OPCML: variants seen among roughly 807,000 people sequenced by gnomAD.
The protein encoded by OPCML is opioid-binding protein/cell adhesion molecule.
In OPCML, 13 loss-of-function variants were observed where a neutral mutation model predicts 37.8. That is an observed-to-expected ratio of 0.34 (90% CI 0.22 to 0.55). The LOEUF (loss-of-function observed/expected upper bound fraction) is 0.55. Ranked by LOEUF, OPCML falls within the 20% of genes least tolerant of loss-of-function variation. The pLI is 0.91. For missense variants in OPCML, 341 were observed against 435.6 expected (o/e 0.78, Z 1.93); for synonymous variants, 176 against 168.8 (o/e 1.04, Z -0.33).
chr11:133,413,926 A>C (rs1403186543), intron 1 of OPCML, among the ~76,000 whole-genome samples: 1 of 152,182 alleles, frequency 6.6e-6, no homozygotes, highest in Non-Finnish European at 1.5e-5. Context: ...GGAGCACTGC[A>C]GTCCCTGGAG....
At chr11:133,337,189 C>A (rs1465348295) in intron 1 of OPCML, among the ~76,000 whole-genome samples, 1 of 152,182 alleles carries the variant, frequency 6.6e-6, no homozygotes, top group Non-Finnish European at 1.5e-5. Flanking sequence ...TGTTTCTTTT[C>A]CTAAGGCAAG....
At chr11:132,601,857 A>G (rs1033054283) in intron 3 of OPCML, among the ~76,000 whole-genome samples, 1 of 152,212 alleles carries the variant, frequency 6.6e-6, no homozygotes, top group Non-Finnish European at 1.5e-5. Context: ...AAGGAAAACT[A>G]TAAGAGGCCA....
intron 4 of OPCML, among the ~76,000 whole-genome samples, chr11:132,478,985 C>T (rs1384987754): frequency 6.6e-6 from 1 of 151,850 alleles, no homozygotes; most frequent in Non-Finnish European, 1.5e-5. Flanking sequence ...GGAGATAGAG[C>T]ACATCAAAAC....
intron 4 of OPCML, among the ~76,000 whole-genome samples, chr11:132,439,885 C>T (rs1302147291): frequency 6.6e-6 from 1 of 152,164 alleles, no homozygotes; most frequent in Non-Finnish European, 1.5e-5. Context: ...CAGGCAGGGT[C>T]AACGTTCCCC....
In OPCML at chr11:132,847,295, CT is replaced by C. The variant is rs371758381; in HGVS notation, c.146+95630del. 1.0e-3 allele frequency among the ~76,000 whole-genome samples: 154 copies of C among 152,014 alleles called. 3 individuals are homozygous for C. The East Asian group carries it at 0.021, about 21-fold the overall frequency. On this transcript the variant is annotated intron_variant, in intron 2 of 7. Transcript: ENST00000524381. Reference sequence around the variant, plus strand: ...ATTTTCTTTCTTTTTTGTTGACATGCTTTTTTTTCTAGATAGATGTATATCC... The same window carrying C: ...ATTTTCTTTCTTTTTTGTTGACATGCTTTTTTTCTAGATAGATGTATATCC...
chr11:132,752,527 A>G (rs1945869816), intron 2 of OPCML, among the ~76,000 whole-genome samples: 1 of 152,168 alleles, frequency 6.6e-6, no homozygotes, highest in African/African-American at 2.4e-5. Context: ...GAACTGAATC[A>G]TAAGGAAAAT....
chr11:132,822,955 G>A (rs1940079979), intron 2 of OPCML, among the ~76,000 whole-genome samples: 1 of 152,102 alleles, frequency 6.6e-6, no homozygotes, highest in South Asian at 2.1e-4. Flanking sequence ...TATTTGTAAG[G>A]ATGAAATGAA....
At chr11:132,866,695 T>C (rs1038559616) in intron 2 of OPCML, among the ~76,000 whole-genome samples, 1 of 152,230 alleles carries the variant, frequency 6.6e-6, no homozygotes, top group African/African-American at 2.4e-5. Flanking sequence ...TTTTCGAATA[T>C]ACAGACAATT....
chr11:132,640,178 A>G (rs1487756321), intron 3 of OPCML, among the ~76,000 whole-genome samples: 1 of 152,212 alleles, frequency 6.6e-6, no homozygotes, highest in East Asian at 1.9e-4. Flanking sequence ...AGAGCGAGGC[A>G]GGATGCATAT....
At chr11:133,081,470 C>T (rs1948715479) in intron 1 of OPCML, among the ~76,000 whole-genome samples, 1 of 152,200 alleles carries the variant, frequency 6.6e-6, no homozygotes, top group Non-Finnish European at 1.5e-5. Flanking sequence ...AAGGAATTCG[C>T]AAGTGGCTGA....
intron 1 of OPCML, among the ~76,000 whole-genome samples, chr11:133,116,270 G>C (rs1323206545): frequency 3.9e-5 from 6 of 152,076 alleles, no homozygotes; most frequent in African/African-American, 1.4e-4. Flanking sequence ...CCCGGCCAAG[G>C]GCATTATTTA....
In OPCML at chr11:132,492,273, C is replaced by T. The variant is rs571449160; in HGVS notation, c.505+36788G>A. Reference sequence around the variant, plus strand: ...AAGGTGGGCATGACTGAGGGGCCCGCGAGGAGAAACAAAGGTAACAGTTAA... The same window carrying T: ...AAGGTGGGCATGACTGAGGGGCCCGTGAGGAGAAACAAAGGTAACAGTTAA... On this transcript the variant is annotated intron_variant, in intron 4 of 7. Transcript: ENST00000524381. 1.6e-4 allele frequency among the ~76,000 whole-genome samples: 24 copies of T among 151,734 alleles called. 1 individual carries two copies. The highest frequency in any genetic ancestry group is 5.9e-4 in the Admixed American group (9 of 15,234).
At chr11:133,204,868 G>GTT (rs1435953218) in intron 1 of OPCML, among the ~76,000 whole-genome samples, 3 of 117,330 alleles carry the variant, frequency 2.6e-5, no homozygotes, top group Admixed American at 9.3e-5. Context: ...ATATATATGT[G>GTT]TATATATATA....
intron 1 of OPCML, among the ~76,000 whole-genome samples, chr11:133,458,574 C>CGTGTGTATACACATATATACACGTGTGT (rs1946764994): frequency 1.2e-5 from 1 of 85,792 alleles, no homozygotes; most frequent in Non-Finnish European, 2.0e-5. Context: ...CATATATACA[C>CGTGTGTATACACATATATACACGTGTGT]GTGTGTGTAC....
intron 1 of OPCML, among the ~76,000 whole-genome samples, chr11:133,098,071 G>C (rs978071360): frequency 2.6e-5 from 4 of 152,108 alleles, no homozygotes; most frequent in Non-Finnish European, 5.9e-5. Flanking sequence ...TACAAGGAAA[G>C]AAAACTACAG....
intron 1 of OPCML, among the ~76,000 whole-genome samples, chr11:133,186,195 T>A (rs1297242895): frequency 6.6e-6 from 1 of 152,178 alleles, no homozygotes; most frequent in Admixed American, 6.5e-5. Context: ...ATCTCTTACC[T>A]AGGGCAATAT....
chr11:133,375,496 T>C (rs1379720191), intron 1 of OPCML, among the ~76,000 whole-genome samples: 1 of 152,200 alleles, frequency 6.6e-6, no homozygotes, highest in Non-Finnish European at 1.5e-5. Flanking sequence ...GGGCTACTTC[T>C]AGTAATGACT....
chr11:133,361,515 C>T (rs1212259808), intron 1 of OPCML: 1 of 154,166 alleles, frequency 6.5e-6, no homozygotes, highest in Admixed American at 6.5e-5. Flanking sequence ...GCCCGCCGCG[C>T]ATCAGTGCAC....
At chr11:133,284,201 C>T (rs758921121) in intron 1 of OPCML, among the ~76,000 whole-genome samples, 1 of 152,098 alleles carries the variant, frequency 6.6e-6, no homozygotes, top group Non-Finnish European at 1.5e-5. Flanking sequence ...GAGGATAAAC[C>T]CAAACCCAAC....
Sources: allele counts gnomAD v4.1 joint callset (sites outside exome capture counted in the v4.1 genomes callset), GRCh38; gene constraint gnomAD v4.1.1; transcripts MANE v1.5; gene names NCBI Gene and HGNC (gene_info 2026-07-23, HGNC 2026-07-21).